Variants in PCDH15 observed in about 807,000 individuals in gnomAD.
PCDH15 encodes protocadherin-15.
In PCDH15, 129 loss-of-function variants were observed where a neutral mutation model predicts 178.5. That is an observed-to-expected ratio of 0.72 (90% CI 0.63 to 0.84). The LOEUF (loss-of-function observed/expected upper bound fraction) is 0.84. Ranked by LOEUF, PCDH15 falls within the 40% of genes least tolerant of loss-of-function variation. The pLI is 0.00. For missense variants in PCDH15, 2,230 were observed against 2,099.9 expected, an observed-to-expected ratio of 1.06 and a Z score of -1.21; for synonymous variants, 800 against 732.0, an observed-to-expected ratio of 1.09 and a Z score of -1.50.
Position 54,937,026 on chromosome 10 carries a change from C to T in PCDH15, c.-79-39526G>A, listed in dbSNP as rs142001644. Among the ~76,000 whole-genome samples, 785 of 151,938 alleles carry T rather than the reference C, an allele frequency of 5.2e-3. 8 individuals are homozygous for T. The highest frequency in any genetic ancestry group is 0.018 in the African/African-American group (736 of 41,494). On this transcript the variant is annotated intron_variant, in intron 2 of 5. Coordinates refer to the PCDH15 transcript ENST00000458638. ...ATCTGGAATTAATTTTTGTGCATCGCGTAAGGAACAGTTCCAACTTAATTG... is the reference window on the plus strand; with the variant it reads ...ATCTGGAATTAATTTTTGTGCATCGTGTAAGGAACAGTTCCAACTTAATTG...
In PCDH15 at chr10:54,048,516, G is replaced by T. The variant is rs138283590; in HGVS notation, c.2220+18241C>A. ...TGATATTTCCTAGGTTTTCTTCCAG[G>T]ATTTTTATAGTTTTGCATCTTACAT... On this transcript the variant is annotated intron_variant, in intron 18 of 37. Coordinates refer to ENST00000644397, the MANE Select transcript of PCDH15 (RefSeq NM_001384140.1). 2.4e-3 allele frequency among the ~76,000 whole-genome samples: 368 copies of T among 152,154 alleles called. 3 individuals are homozygous for T. The highest frequency in any genetic ancestry group is 8.3e-3 in the African/African-American group (345 of 41,540).
Position 54,916,414 on chromosome 10 carries a change from T to C in PCDH15, c.-79-18914A>G, listed in dbSNP as rs971416360. On this transcript the variant is annotated intron_variant, in intron 2 of 5. Coordinates refer to the PCDH15 transcript ENST00000458638. The stretch of plus-strand genomic sequence containing the variant: ...AGAGCAAAAGGAGAGCTCTAGTTCA[T>C]ATGTATTATATGGATATGGCATAAT... Among the ~76,000 whole-genome samples the C allele has an allele frequency of 3.3e-5, 5 of 152,198 alleles. No individual in the cohort carries two copies. The East Asian group carries it at 5.8e-4, about 18-fold the overall frequency.
chr10:54,799,739 G>C (rs1051451843), intron 1 of PCDH15, among the ~76,000 whole-genome samples: 18 of 151,982 alleles, frequency 1.2e-4, no homozygotes, highest in African/African-American at 4.1e-4. Context: ...CACAGTCAAG[G>C]GGATCAAGTT....
intron 2 of PCDH15, among the ~76,000 whole-genome samples, chr10:55,362,885 A>G (rs1462288870): frequency 6.6e-6 from 1 of 152,160 alleles, no homozygotes; most frequent in Non-Finnish European, 1.5e-5. Context: ...ATCTTTTGGC[A>G]TCCCTGGGCC....
In PCDH15 at chr10:55,473,673, A is replaced by G. The variant is rs530332507; in HGVS notation, c.-156+153952T>C. Among the ~76,000 whole-genome samples, 354 of 152,312 alleles carry G rather than the reference A, an allele frequency of 2.3e-3. 2 individuals are homozygous for G. The highest frequency in any genetic ancestry group is 8.2e-3 in the African/African-American group (343 of 41,578). On this transcript the variant is annotated intron_variant, in intron 2 of 5. Coordinates refer to the PCDH15 transcript ENST00000613346. Reference sequence around the variant, plus strand: ...ACCCCTATTGGTGATGGATCTAAAAATAGGTCTCCCATTATGCAGCAAAAT... The same window carrying G: ...ACCCCTATTGGTGATGGATCTAAAAGTAGGTCTCCCATTATGCAGCAAAAT...
Position 54,289,958 on chromosome 10 carries a change from GT to G in PCDH15, c.876+27312del, listed in dbSNP as rs557707007. Among the ~76,000 whole-genome samples the G allele has an allele frequency of 8.1e-4, 123 of 152,278 alleles. 1 individual carries two copies. Among genetic ancestry groups the G allele is most frequent in the African/African-American group, 2.9e-3 (121 of 41,556 alleles). ...AAAGTGATGGGGAGAATGGAACCAA[GT>G]TGGAAAACACTATTCAGGATATTAT... On this transcript the variant is annotated intron_variant, in intron 8 of 37. Coordinates refer to ENST00000644397, the MANE Select transcript of PCDH15 (RefSeq NM_001384140.1).
At chr10:55,389,409 T>C (rs1055564123) in intron 2 of PCDH15, among the ~76,000 whole-genome samples, 1 of 152,156 alleles carries the variant, frequency 6.6e-6, no homozygotes, top group Non-Finnish European at 1.5e-5. Context: ...ATGTCTCTGT[T>C]ATAGTCAGTT....
intron 3 of PCDH15, among the ~76,000 whole-genome samples, chr10:54,380,672 C>A (rs1451444267): frequency 0.011 from 302 of 28,380 alleles, 1 homozygote; most frequent in African/African-American, 0.031. Flanking sequence ...TATATATATG[C>A]TCCATATATA....
intron 3 of PCDH15, among the ~76,000 whole-genome samples, chr10:54,490,429 G>A (rs968375142): frequency 5.3e-5 from 8 of 151,854 alleles, no homozygotes; most frequent in Non-Finnish European, 1.0e-4. Context: ...CAGCCTGGGT[G>A]ACAGAGCAAG....
At chr10:55,578,116 A>C (rs530479990) in intron 2 of PCDH15, among the ~76,000 whole-genome samples, 1 of 152,134 alleles carries the variant, frequency 6.6e-6, no homozygotes, top group Non-Finnish European at 1.5e-5. Flanking sequence ...ATACTTCTGA[A>C]TGTTTTAAAT....
chr10:54,467,258 C>T (rs2077579585), intron 3 of PCDH15, among the ~76,000 whole-genome samples: 1 of 151,756 alleles, frequency 6.6e-6, no homozygotes, highest in Admixed American at 6.6e-5. Context: ...TGGCTTTCCA[C>T]TTTTTCCCTT....
chr10:54,226,391 C>A (rs919118069), intron 9 of PCDH15, among the ~76,000 whole-genome samples: 1 of 152,196 alleles, frequency 6.6e-6, no homozygotes, highest in Admixed American at 6.5e-5. Context: ...CCTCCCACAA[C>A]ATGTGGGAAT....
intron 1 of PCDH15, among the ~76,000 whole-genome samples, chr10:54,721,446 T>C (rs1277841714): frequency 1.3e-5 from 2 of 151,810 alleles, no homozygotes; most frequent in East Asian, 1.9e-4. Context: ...AGCTAGTTCT[T>C]TGAAAGGATA....
At chr10:53,894,093 T>C (rs1255387517) in intron 26 of PCDH15, among the ~76,000 whole-genome samples, 1 of 152,108 alleles carries the variant, frequency 6.6e-6, no homozygotes, top group Admixed American at 6.6e-5. Flanking sequence ...CAAACACCAA[T>C]TTGAAATGTT....
intron 32 of PCDH15, chr10:53,821,377 G>A (rs2076262065): frequency 1.0e-6 from 1 of 994,434 alleles, no homozygotes; most frequent in Non-Finnish European, 1.2e-6. Flanking sequence ...TACTTCGGTA[G>A]TATTTCTTCT....
At chr10:54,655,888 G>A (rs4554788) in intron 2 of PCDH15, 1 of 152,028 alleles carries the variant, frequency 6.6e-6, no homozygotes. Flanking sequence ...AGATTGCTTA[G>A]AAAAAAATTA....
At chr10:54,454,207 A>C (rs888151962) in intron 3 of PCDH15, among the ~76,000 whole-genome samples, 1 of 149,444 alleles carries the variant, frequency 6.7e-6, no homozygotes, top group Non-Finnish European at 1.5e-5. Flanking sequence ...TAATTACTAA[A>C]ATTTTTTCTA....
chr10:55,140,604 G>C (rs565786512), intron 2 of PCDH15, among the ~76,000 whole-genome samples: 6 of 151,974 alleles, frequency 3.9e-5, no homozygotes, highest in African/African-American at 1.4e-4. Context: ...AACAGGTTTT[G>C]ATATCAGAGA....
chr10:54,359,275 A>G (rs1331396486), intron 5 of PCDH15, among the ~76,000 whole-genome samples: 1 of 151,736 alleles, frequency 6.6e-6, no homozygotes, highest in Non-Finnish European at 1.5e-5. Context: ...ACTAAAAAAA[A>G]ACAAAAACTA....
Sources: allele counts gnomAD v4.1 joint callset (sites outside exome capture counted in the v4.1 genomes callset), GRCh38; gene constraint gnomAD v4.1.1; transcripts MANE v1.5; gene names NCBI Gene and HGNC (gene_info 2026-07-23, HGNC 2026-07-21).